The following TSPAN14 variants were observed in gnomAD, a reference collection of about 807,000 sequenced individuals.
TSPAN14 encodes the protein tetraspanin 14, also known as tetraspanin-14.
In TSPAN14, 16 loss-of-function variants were observed where a neutral mutation model predicts 36.6. The observed-to-expected ratio is 0.44, with a 90% confidence interval of 0.30 to 0.66. The LOEUF is 0.66. Ranked by LOEUF, TSPAN14 falls within the 30% of genes least tolerant of loss-of-function variation. The pLI, the probability that TSPAN14 is intolerant of heterozygous loss-of-function variation, is 0.12. For synonymous variants in TSPAN14, 139 were observed against 143.8 expected, an observed-to-expected ratio of 0.97 and a Z score of 0.24; for missense variants, 231 against 355.1, an observed-to-expected ratio of 0.65 and a Z score of 2.81.
At position 80,509,833 on chromosome 10, in the gene TSPAN14, TC is replaced by T. The variant is rs919146743; in HGVS notation, c.450+368del. The T allele has an allele frequency of 2.8e-4, 54 of 195,898 alleles. No homozygotes were observed. Among genetic ancestry groups the T allele is most frequent in the African/African-American group, 1.2e-3 (50 of 43,052 alleles). The allele number at this position is 195,898 out of a possible 1,614,324, so 12.1% of individuals were successfully genotyped here. A position where few individuals can be genotyped will look rare whatever the true frequency, so the allele number is the denominator to read the frequency against. On this transcript the variant is annotated intron_variant, in intron 5 of 8. Transcript: ENST00000429989. This position sits in a 1 kb window ranked among gnomAD's most constrained non-coding sequence, Gnocchi z 4.7. The stretch of plus-strand genomic sequence containing the variant: ...CTGCATACCGTAAGGCACAGCTTCT[TC>T]CCCCCGGCTCATGACTCACCATCTG...
chr10:80,512,788 G>A (rs1404160764), intron 6 of TSPAN14, among the ~76,000 whole-genome samples: 1 of 152,098 alleles, frequency 6.6e-6, no homozygotes, highest in Non-Finnish European at 1.5e-5. Context: ...CTGTCTCCTG[G>A]GTTCAAGCGA....
At chr10:80,472,011 T>G (rs1230967290) in intron 1 of TSPAN14, among the ~76,000 whole-genome samples, 1 of 152,060 alleles carries the variant, frequency 6.6e-6, no homozygotes, top group Non-Finnish European at 1.5e-5. Flanking sequence ...CCCATCTCCC[T>G]ATGTAGCTGG....
chr10:80,493,866 C>A (rs969274061), intron 2 of TSPAN14, among the ~76,000 whole-genome samples: 1 of 152,148 alleles, frequency 6.6e-6, no homozygotes, highest in African/African-American at 2.4e-5. Flanking sequence ...TGTCTTTGTT[C>A]ATTTATACCC....
chr10:80,454,759 T>A (rs1441719522), intron 1 of TSPAN14, among the ~76,000 whole-genome samples: 1 of 152,030 alleles, frequency 6.6e-6, no homozygotes, highest in African/African-American at 2.4e-5. Context: ...CTCGGGGCTC[T>A]GCTTCTCGTC....
chr10:80,511,710 TC>T (rs1213109630), intron 5 of TSPAN14, among the ~76,000 whole-genome samples: 2 of 52,274 alleles, frequency 3.8e-5, no homozygotes, highest in Non-Finnish European at 7.3e-5. Context: ...AAAGGGCAGG[TC>T]CTCTCTCTCT....
intron 3 of TSPAN14, 76 bp downstream of exon 3, chr10:80,504,854 C>A: frequency 2.0e-6 from 3 of 1,475,244 alleles, no homozygotes; most frequent in Non-Finnish European, 2.8e-6. Context: ...TTCCCTCCTC[C>A]AATCTGTTCC....
Position 80,496,590 on chromosome 10 carries a change from C to A in TSPAN14, c.81+7276C>A, listed in dbSNP as rs143834654. 1.2e-4 allele frequency among the ~76,000 whole-genome samples: 18 copies of A among 152,280 alleles called. No individual in the cohort carries two copies. The East Asian group carries it at 3.3e-3, about 28-fold the overall frequency. The stretch of plus-strand genomic sequence containing the variant: ...TTTCAAACGCACACCCTTTTTCTCC[C>A]CTTCCCTGTCCCATTTCCCTAGGAC... On this transcript the variant is annotated intron_variant, in intron 2 of 8. Coordinates refer to ENST00000429989, the Ensembl canonical transcript of TSPAN14.
chr10:80,477,654 A>C lies in TSPAN14; in HGVS notation c.-17-11563A>C, dbSNP rs575950248. Among the ~76,000 whole-genome samples, 7 of 152,304 alleles carry C rather than the reference A, an allele frequency of 4.6e-5. No homozygotes were observed. In the South Asian group the frequency reaches 1.2e-3, roughly 27 times the overall value. On this transcript the variant is annotated intron_variant, in intron 1 of 8. Coordinates refer to ENST00000429989, the Ensembl canonical transcript of TSPAN14. ...AGAATAGTTTGAAAGCAGCTAATGC[A>C]GTTACATCCTTCCATCCCTTCCTTT...
chr10:80,515,985 G>T, intron 7 of TSPAN14: 1 of 587,254 alleles, frequency 1.7e-6, no homozygotes. Flanking sequence ...AACAGCCAGG[G>T]AGCCTTTGGT....
At chr10:80,471,000 G>A (rs1823601714) in intron 1 of TSPAN14, among the ~76,000 whole-genome samples, 2 of 152,200 alleles carry the variant, frequency 1.3e-5, no homozygotes, top group African/African-American at 2.4e-5. Flanking sequence ...GCTTCTAGAT[G>A]TGCTGCCCTC....
chr10:80,475,983 C>T (rs185501008), intron 1 of TSPAN14, among the ~76,000 whole-genome samples: 39 of 152,324 alleles, frequency 2.6e-4, no homozygotes, highest in Admixed American at 2.3e-3. Context: ...ATGCTCAAGT[C>T]CCTAATATAA....
exon 9 of TSPAN14, chr10:80,520,941 A>C (rs573101273): frequency 2.2e-6 from 1 of 446,462 alleles, no homozygotes; most frequent in South Asian, 1.7e-5. Flanking sequence ...AGCTGTCCTC[A>C]CCAGCCTCCG....
At chr10:80,481,861 C>G (rs1847296000) in intron 1 of TSPAN14, among the ~76,000 whole-genome samples, 1 of 152,100 alleles carries the variant, frequency 6.6e-6, no homozygotes, top group Non-Finnish European at 1.5e-5. Context: ...TCATGCCATT[C>G]TCCTGCCTCA....
chr10:80,478,560 C>T (rs911279270), intron 1 of TSPAN14, among the ~76,000 whole-genome samples: 1 of 152,100 alleles, frequency 6.6e-6, no homozygotes, highest in Non-Finnish European at 1.5e-5. Context: ...TGTCAATATG[C>T]TTGGAAGAAG....
chr10:80,478,787 C>T (rs764071999), intron 1 of TSPAN14, among the ~76,000 whole-genome samples: 34 of 152,228 alleles, frequency 2.2e-4, no homozygotes, highest in East Asian at 1.9e-4. Flanking sequence ...TTTGGGAGGC[C>T]GAGGCAGGCG....
At chr10:80,454,550 C>T (rs954887897) in intron 1 of TSPAN14, among the ~76,000 whole-genome samples, 179 bp downstream of exon 1, 2 of 151,942 alleles carry the variant, frequency 1.3e-5, no homozygotes, top group African/African-American at 4.8e-5. Flanking sequence ...GCTTTGTCTG[C>T]CAGGATTGCT....
rs180927864 is a variant in TSPAN14, at chr10:80,513,343, G to A, written c.577-676G>A. 2.2e-4 allele frequency among the ~76,000 whole-genome samples: 33 copies of A among 152,190 alleles called. No homozygotes were observed. The East Asian group carries it at 5.2e-3, about 24-fold the overall frequency. On this transcript the variant is annotated intron_variant, in intron 6 of 8. Coordinates refer to ENST00000429989, the Ensembl canonical transcript of TSPAN14. Reference sequence around the variant, plus strand: ...AGAACTGGGCCAGTTGCCAGCTCTCGGTGCAGTTATGCAAAGCCTGGTCCT... The same window carrying A: ...AGAACTGGGCCAGTTGCCAGCTCTCAGTGCAGTTATGCAAAGCCTGGTCCT...
At chr10:80,459,972 A>G (rs914081878) in intron 1 of TSPAN14, among the ~76,000 whole-genome samples, 20 of 152,082 alleles carry the variant, frequency 1.3e-4, no homozygotes, top group Admixed American at 5.9e-4. Flanking sequence ...CAGACCAAGT[A>G]ATTTACACAC....
rs564198410 is a variant in TSPAN14 at position 80,498,176 on chromosome 10, T to C, written c.82-6552T>C. Among the ~76,000 whole-genome samples the C allele has an allele frequency of 2.6e-5, 4 of 152,334 alleles. No homozygotes were observed. In the East Asian group the frequency reaches 5.8e-4, roughly 22 times the overall value. Reference sequence around the variant, plus strand: ...TCTATTCAATCGTCAGCATTTCAAGTGGCCACAAGCATCTCTGTTGTTTCC... The same window carrying C: ...TCTATTCAATCGTCAGCATTTCAAGCGGCCACAAGCATCTCTGTTGTTTCC... On this transcript the variant is annotated intron_variant, in intron 2 of 8. Transcript: ENST00000429989.
Sources: gnomAD v4.1 joint callset for allele counts (sites outside exome capture counted in the v4.1 genomes callset) on GRCh38, gnomAD v4.1.1 for gene constraint, Gnocchi (gnomAD v3.1) non-coding constraint, MANE v1.5 for transcripts, NCBI Gene and HGNC (gene_info 2026-07-23, HGNC 2026-07-21) for gene names.